LGR4: variants seen among roughly 807,000 people sequenced by gnomAD.
LGR4 encodes the protein leucine rich repeat containing G protein-coupled receptor 4, also known as leucine-rich repeat-containing G protein-coupled receptor 4.
In LGR4, 44 loss-of-function variants were observed where a neutral mutation model predicts 84.8. The ratio of observed to expected loss-of-function variants is 0.52; its 90% CI spans 0.41 to 0.67. LGR4 has a LOEUF of 0.67. Ranked by LOEUF, LGR4 falls within the 30% of genes least tolerant of loss-of-function variation. LGR4 has a pLI of 0.00. For synonymous variants in LGR4, 429 were observed against 434.3 expected (o/e 0.99, Z 0.15); for missense variants, 1,032 against 1,131.4 (o/e 0.91, Z 1.26).
At position 27,412,869 on chromosome 11, in the gene LGR4, C is replaced by T. The variant is rs368421205; in HGVS notation, c.186-9G>A. 2.6e-4 allele frequency: 406 copies of T among 1,574,912 alleles called. No homozygotes were observed. The highest frequency in any genetic ancestry group is 3.2e-4 in the Non-Finnish European group (367 of 1,145,756). On this transcript the variant is annotated splice_polypyrimidine_tract_variant and intron_variant, in intron 1 of 17. Transcript: ENST00000379214. ...TGTTCATACTGATATCCCTGGAAAA[C>T]GTAAAGTTAAGAATATTGTTAATTA...
At chr11:27,445,570 C>T (rs1276371584) in intron 1 of LGR4, among the ~76,000 whole-genome samples, 6 of 152,086 alleles carry the variant, frequency 3.9e-5, no homozygotes, top group African/African-American at 1.2e-4. Context: ...CCAACGAATA[C>T]AGCAGCACAC....
intron 1 of LGR4, among the ~76,000 whole-genome samples, chr11:27,422,790 A>G (rs1863946200): frequency 6.6e-6 from 1 of 152,066 alleles, no homozygotes; most frequent in Non-Finnish European, 1.5e-5. Context: ...TCCATACCCT[A>G]ATCTTTAATA....
intron 1 of LGR4, among the ~76,000 whole-genome samples, chr11:27,449,429 A>G (rs1864445579): frequency 6.6e-6 from 1 of 152,146 alleles, no homozygotes; most frequent in Non-Finnish European, 1.5e-5. Flanking sequence ...CAAAAAATAA[A>G]AAATTAGCCA....
intron 2 of LGR4, among the ~76,000 whole-genome samples, chr11:27,403,930 T>C (rs1278055516): frequency 6.6e-6 from 1 of 152,162 alleles, no homozygotes; most frequent in Non-Finnish European, 1.5e-5. Context: ...TAGTCCAAAC[T>C]AACAGGTAGT....
At chr11:27,414,388 C>T (rs923196011) in intron 1 of LGR4, among the ~76,000 whole-genome samples, 2 of 146,990 alleles carry the variant, frequency 1.4e-5, no homozygotes, top group African/African-American at 5.2e-5. Context: ...TGCTTGACAA[C>T]CGGGGTTTAA....
chr11:27,416,194 C>T (rs1863813748), intron 1 of LGR4, among the ~76,000 whole-genome samples: 1 of 152,024 alleles, frequency 6.6e-6, no homozygotes, highest in Non-Finnish European at 1.5e-5. Context: ...AAAGCACCAC[C>T]AACTCCCAAA....
rs551743130 is a variant in LGR4, at chr11:27,373,183, T to C, written c.1379+368A>G. ...GGCCTCGTAACAATACTCTCTATTATATTTAATGCAGTCCCCCATAACTCT... is the reference window on the plus strand; with the variant it reads ...GGCCTCGTAACAATACTCTCTATTACATTTAATGCAGTCCCCCATAACTCT... On this transcript the variant is annotated intron_variant, in intron 15 of 17. Transcript: ENST00000379214. 2.2e-3 allele frequency: 349 copies of C among 156,392 alleles called. 3 individuals are homozygous for C. The highest frequency in any genetic ancestry group is 2.2e-3 in the Non-Finnish European group (158 of 70,904). 9.7% of individuals were successfully genotyped at this position (156,392 alleles called of 1,614,324 possible). A position where few individuals can be genotyped will look rare whatever the true frequency, so the allele number is the denominator to read the frequency against.
intron 1 of LGR4, among the ~76,000 whole-genome samples, chr11:27,449,326 T>C (rs1317382409): frequency 6.6e-6 from 1 of 152,230 alleles, no homozygotes; most frequent in Admixed American, 6.5e-5. Context: ...CTCATGCCTG[T>C]AATCCCAGCA....
intron 2 of LGR4, among the ~76,000 whole-genome samples, chr11:27,394,337 T>C (rs938865943): frequency 2.0e-5 from 3 of 152,212 alleles, no homozygotes; most frequent in Non-Finnish European, 4.4e-5. Context: ...AATATTTCTC[T>C]TTAGCAAATC....
Position 27,377,159 on chromosome 11 carries a change from T to C in LGR4, c.1108A>G (p.Ile370Val), listed in dbSNP as rs1435873921. The C allele has an allele frequency of 1.3e-6, 2 of 1,575,056 alleles. No homozygotes were observed. The highest frequency in any genetic ancestry group is 1.7e-6 in the Non-Finnish European group (2 of 1,149,560). The change falls in exon 12 of 18, where the codon ATT (isoleucine) becomes GTT (valine). Residue 370 changes from isoleucine (I) to valine (V), a missense_variant and splice_region_variant. Transcript: ENST00000379214. ...GGAATAAGTCAAAGACCAACTCACA[T>C]TTCTTCCAGAGCATGGCAACCATTA... ...SFNGCHALEE[I>V]SLQRNQIYQI...
chr11:27,384,363 A>C lies in LGR4; in HGVS notation c.662T>G (p.Phe221Cys). ...NKIRSLSQHC[F>C]DGLDNLETLD... is the part of the protein sequence containing the mutation. The stretch of plus-strand genomic sequence containing the variant: ...GGTCTCCAGGTTATCTAGTCCATCA[A>C]AACAGTGTTGACTCAGGCTTCTAAT... The change falls in exon 6 of 18, where the codon TTT (phenylalanine) becomes TGT (cysteine). Residue 221 changes from phenylalanine (F) to cysteine (C), a missense_variant. Coordinates refer to ENST00000379214, the MANE Select transcript of LGR4 (RefSeq NM_018490.5). 6.2e-7 allele frequency: 1 copy of C among 1,610,600 alleles called. No individual in the cohort carries two copies.
At chr11:27,468,316 T>C (rs528284578) in intron 1 of LGR4, among the ~76,000 whole-genome samples, 2 of 152,328 alleles carry the variant, frequency 1.3e-5, no homozygotes, top group Non-Finnish European at 2.9e-5. Context: ...TTTTGTACAG[T>C]ATCCAAATTA....
At chr11:27,379,221 T>C (rs1863044940) in intron 10 of LGR4, 1 of 163,844 alleles carries the variant, frequency 6.1e-6, no homozygotes, top group African/African-American at 2.4e-5. Context: ...CCAGTTCCTG[T>C]TATTTCTTCC....
At chr11:27,397,345 C>A (rs559752777) in intron 2 of LGR4, among the ~76,000 whole-genome samples, 1 of 152,132 alleles carries the variant, frequency 6.6e-6, no homozygotes, top group South Asian at 2.1e-4. Context: ...TCTTATTCTG[C>A]CTTTAGTTCC....
intron 1 of LGR4, among the ~76,000 whole-genome samples, chr11:27,455,078 C>T (rs1437799073): frequency 6.6e-6 from 1 of 152,160 alleles, no homozygotes; most frequent in African/African-American, 2.4e-5. Flanking sequence ...CTTTGTCACC[C>T]ATGCTGGAGT....
At chr11:27,369,193 C>T (rs1862835139) in intron 17 of LGR4, 50 bp from the exon 18 acceptor site, 2 of 1,403,318 alleles carry the variant, frequency 1.4e-6, no homozygotes, top group Non-Finnish European at 1.9e-6. Flanking sequence ...ACTTAGAAAA[C>T]AATTTAGAAA....
chr11:27,430,926 C>T (rs1864105434), intron 1 of LGR4, among the ~76,000 whole-genome samples: 1 of 150,856 alleles, frequency 6.6e-6, no homozygotes, highest in African/African-American at 2.4e-5. Context: ...AGCACGCAAA[C>T]CTCTCCTCCT....
intron 2 of LGR4, among the ~76,000 whole-genome samples, chr11:27,402,030 T>C (rs1369836705): frequency 6.6e-6 from 1 of 152,114 alleles, no homozygotes; most frequent in African/African-American, 2.4e-5. Flanking sequence ...GGGTAAAATG[T>C]GAATATAGAG....
intron 1 of LGR4, among the ~76,000 whole-genome samples, chr11:27,427,362 C>A (rs545586632): frequency 6.6e-6 from 1 of 152,038 alleles, no homozygotes; most frequent in East Asian, 1.9e-4. Flanking sequence ...GCCTCCGAAA[C>A]GAAAGAACAG....
Sources: gnomAD v4.1 joint callset for allele counts (sites outside exome capture counted in the v4.1 genomes callset) on GRCh38, gnomAD v4.1.1 for gene constraint, MANE v1.5 for transcripts, NCBI Gene and HGNC (gene_info 2026-07-23, HGNC 2026-07-21) for gene names.